TRIM66: variants seen among roughly 807,000 people sequenced by gnomAD.
TRIM66 encodes tripartite motif-containing protein 66.
A neutral mutation model predicts 148.2 loss-of-function variants in TRIM66; 99 were observed. The observed-to-expected ratio is 0.67, with a 90% CI of 0.57 to 0.79. The LOEUF is 0.79. TRIM66 is among the 30% of genes least tolerant of loss of function. TRIM66 has a pLI of 0.00. For missense variants in TRIM66, 1,666 were observed against 1,697.9 expected, an observed-to-expected ratio of 0.98 and a Z score of 0.33; for synonymous variants, 616 against 635.9, an observed-to-expected ratio of 0.97 and a Z score of 0.47.
chr11:8,624,984 A>G lies in TRIM66; in HGVS notation c.2555T>C (p.Val852Ala), dbSNP rs1046101258. Residue 852 changes from valine (V) to alanine (A), a missense_variant, in exon 16 of 25, where the codon GTG (valine) becomes GCG (alanine). Physicochemically the swap from Val to Ala is moderately conservative, Grantham distance 64 (BLOSUM62 0). Around this residue, in one of 3 missense-constraint regions of TRIM66, gnomAD observed 1,431 missense variants for 1,412.4 expected, o/e 1.01. Coordinates refer to ENST00000646038, the MANE Select transcript of TRIM66 (RefSeq NM_001388022.1). Reference protein sequence around the residue: ...TSHLQTVPSLVHSTFQSMPNL... With the variant: ...TSHLQTVPSLAHSTFQSMPNL... ...GGGCATGGACTGGAATGTGCTATGC[A>G]CAAGGCTGGGCACAGTCTGTAGGTG... 2 of 1,551,720 alleles carry G rather than the reference A, an allele frequency of 1.3e-6. No homozygotes were observed. The highest frequency in any genetic ancestry group is 8.7e-7 in the Non-Finnish European group (1 of 1,146,984).
chr11:8,637,868 G>A (rs1410824625), intron 15 of TRIM66, among the ~76,000 whole-genome samples: 1 of 152,198 alleles, frequency 6.6e-6, no homozygotes, highest in African/African-American at 2.4e-5. Flanking sequence ...TGGAGGACAG[G>A]CACAGCACTG....
Position 8,671,892 on chromosome 11 carries a change from C to A in TRIM66, c.234G>T (p.Met78Ile), listed in dbSNP as rs2038955304. ...CSLCHQDLPG[M>I]GSHLLSCQHL... is the part of the protein sequence containing the mutation. ...GCTGGCAGGATAGGAGATGAGAGCC[C>A]ATACCTGGCAGGTCCTGATGGCACA... Residue 78 changes from methionine to isoleucine, a missense_variant, in exon 6 of 25, where the codon ATG becomes ATT. Coordinates refer to ENST00000646038, the MANE Select transcript of TRIM66 (RefSeq NM_001388022.1). 1 of 1,536,124 alleles carries A rather than the reference C, an allele frequency of 6.5e-7. No individual in the cohort carries two copies. Among genetic ancestry groups the A allele is most frequent in the Admixed American group, 2.0e-5 (1 of 50,998 alleles).
chr11:8,643,627 C>A (rs921066412), intron 12 of TRIM66, among the ~76,000 whole-genome samples: 1 of 152,164 alleles, frequency 6.6e-6, no homozygotes, highest in Non-Finnish European at 1.5e-5. Context: ...CAGGCGTGAG[C>A]CACCGCACCT....
intron 6 of TRIM66, among the ~76,000 whole-genome samples, chr11:8,669,257 C>T (rs1047210626): frequency 5.3e-5 from 8 of 152,174 alleles, no homozygotes; most frequent in African/African-American, 9.7e-5. Flanking sequence ...TGAAGAATTA[C>T]GGTAAAGTCA....
At position 8,618,800 on chromosome 11, in the gene TRIM66, G is replaced by A. The variant is rs2033921218; in HGVS notation, c.4069C>T (p.Pro1357Ser). The change falls in exon 24 of 25, where the codon CCT becomes TCT. Residue 1357 changes from proline (P) to serine (S), a missense_variant. Pro to Ser is a moderately conservative substitution (Grantham distance 74). Around this residue, in one of 3 missense-constraint regions of TRIM66, gnomAD observed 204 missense variants for 231.0 expected, o/e 0.88. Transcript: ENST00000646038. ...TGGATGCCCTCCTGCATGTAGGGAG[G>A]CCACGGGAAGCCCTGGGGAGTGGAA... is the stretch of plus-strand genomic sequence containing the variant. ...GCSTPQGFPW[P>S]PYMQEGIQPK... 1 of 1,551,232 alleles carries A rather than the reference G, an allele frequency of 6.4e-7. No individual in the cohort carries two copies. Among genetic ancestry groups the A allele is most frequent in the Non-Finnish European group, 8.7e-7 (1 of 1,146,926 alleles).
upstream of TRIM66, chr11:8,682,771 C>G: frequency 6.2e-7 from 1 of 1,613,530 alleles, no homozygotes. Context: ...CGATACCTCG[C>G]GAGACTTGGC....
intron 10 of TRIM66, among the ~76,000 whole-genome samples, chr11:8,647,744 G>A (rs901909393): frequency 1.3e-5 from 2 of 152,114 alleles, no homozygotes; most frequent in Admixed American, 6.5e-5. Flanking sequence ...GACTCACTCT[G>A]ATCATCCTGA....
chr11:8,642,619 G>C (rs1224942712), intron 13 of TRIM66, among the ~76,000 whole-genome samples: 3 of 151,948 alleles, frequency 2.0e-5, no homozygotes, highest in Non-Finnish European at 1.5e-5. Context: ...ACCCCTGCTT[G>C]TGCCCACACG....
chr11:8,662,510 A>G (rs2038329641), intron 6 of TRIM66, among the ~76,000 whole-genome samples: 1 of 152,142 alleles, frequency 6.6e-6, no homozygotes, highest in Admixed American at 6.5e-5. Flanking sequence ...GCATCGGGCT[A>G]TGGTAGTTAT....
At chr11:8,629,830 A>T (rs549161855) in intron 15 of TRIM66, among the ~76,000 whole-genome samples, 1 of 152,250 alleles carries the variant, frequency 6.6e-6, no homozygotes, top group East Asian at 1.9e-4. Flanking sequence ...CTATCAGGAG[A>T]GGGGGTGAAG....
intron 14 of TRIM66, among the ~76,000 whole-genome samples, chr11:8,639,997 C>T (rs929218463): frequency 5.9e-5 from 9 of 152,174 alleles, no homozygotes; most frequent in East Asian, 5.8e-4. Context: ...CAAGCTACTC[C>T]GGAGTATACT....
intron 6 of TRIM66, among the ~76,000 whole-genome samples, chr11:8,657,601 A>G (rs1204987093): frequency 6.6e-6 from 1 of 152,142 alleles, no homozygotes; most frequent in East Asian, 1.9e-4. Context: ...TCTGTCAGAC[A>G]CTAAGCAACG....
intron 4 of TRIM66, among the ~76,000 whole-genome samples, chr11:8,672,619 CTTTTTTTTT>C (rs11293374): frequency 8.8e-6 from 1 of 113,300 alleles, no homozygotes; most frequent in African/African-American, 3.4e-5. Flanking sequence ...ACTCCAGTCT[CTTTTTTTTT>C]TTTTTTTTTT....
At chr11:8,668,612 G>A (rs1462432072) in intron 6 of TRIM66, among the ~76,000 whole-genome samples, 1 of 151,078 alleles carries the variant, frequency 6.6e-6, no homozygotes, top group African/African-American at 2.4e-5. Context: ...TTGAGATGGA[G>A]TCTCGCTCTG....
intron 4 of TRIM66, among the ~76,000 whole-genome samples, chr11:8,674,222 A>G (rs565816749): frequency 6.6e-6 from 1 of 152,332 alleles, no homozygotes; most frequent in East Asian, 1.9e-4. Context: ...TATTTACCAC[A>G]CTAGAAGTTA....
chr11:8,679,175 A>T (rs574900184), intron 3 of TRIM66: 1 of 152,368 alleles, frequency 6.6e-6, no homozygotes, highest in South Asian at 2.1e-4. Context: ...CAGACAGAAA[A>T]CTCAGCTTTG....
At chr11:8,651,309 A>G (rs1039681176) in intron 7 of TRIM66, among the ~76,000 whole-genome samples, 2 of 152,214 alleles carry the variant, frequency 1.3e-5, no homozygotes, top group Non-Finnish European at 2.9e-5. Flanking sequence ...AAAGAGGAAC[A>G]GAAGGGCTGC....
At chr11:8,666,651 G>A (rs1276142066) in intron 6 of TRIM66, among the ~76,000 whole-genome samples, 2 of 152,008 alleles carry the variant, frequency 1.3e-5, no homozygotes, top group African/African-American at 2.4e-5. Context: ...AAACCTCTTG[G>A]GCAGAGAGAT....
chr11:8,641,156 A>C lies in TRIM66; in HGVS notation c.1223-4T>G. Reference sequence around the variant, plus strand: ...CCACCTTCAGTAGTTATGCAGCCTGAAAATGCAGAATAGAGAGTTTTTCAA... The same window carrying C: ...CCACCTTCAGTAGTTATGCAGCCTGCAAATGCAGAATAGAGAGTTTTTCAA... On this transcript the variant is annotated splice_region_variant and splice_polypyrimidine_tract_variant and intron_variant, in intron 13 of 24. Coordinates refer to ENST00000646038, the MANE Select transcript of TRIM66 (RefSeq NM_001388022.1). 6.5e-7 allele frequency: 1 copy of C among 1,546,278 alleles called. No individual in the cohort carries two copies. Among genetic ancestry groups the C allele is most frequent in the Non-Finnish European group, 8.7e-7 (1 of 1,143,198 alleles).
Sources: allele counts gnomAD v4.1 joint callset (sites outside exome capture counted in the v4.1 genomes callset), GRCh38; gene constraint gnomAD v4.1.1; regional missense constraint gnomAD v4.1.1; transcripts MANE v1.5; gene names NCBI Gene and HGNC (gene_info 2026-07-23, HGNC 2026-07-21).